The following TRIML1 variants were observed in gnomAD, a reference collection of about 807,000 sequenced individuals.
The protein encoded by TRIML1 is tripartite motif family like 1.
Under a neutral mutation model 32.3 loss-of-function variants are expected in TRIML1, and 34 were observed. That is an observed-to-expected ratio of 1.05 (90% confidence interval 0.80 to 1.40). TRIML1 has a LOEUF of 1.40. Ranked by LOEUF, TRIML1 falls within the 40% of genes most tolerant of loss-of-function variation. The pLI is 0.00. For synonymous variants in TRIML1, 244 were observed against 226.6 expected (o/e 1.08, Z -0.69); for missense variants, 595 against 574.9 (o/e 1.03, Z -0.36).
At chr4:188,140,159 T>C (rs1382805971) in intron 1 of TRIML1, among the ~76,000 whole-genome samples, 193 bp downstream of exon 1, 1 of 151,714 alleles carries the variant, frequency 6.6e-6, no homozygotes, top group East Asian at 1.9e-4. Context: ...TTTTGCTCTG[T>C]TGCCCAGGCT....
chr4:188,143,862 T>G lies in TRIML1; in HGVS notation c.758+2T>G, dbSNP rs748997565. The G allele has an allele frequency of 6.2e-7, 1 of 1,614,192 alleles. No individual in the cohort carries two copies. Among genetic ancestry groups the G allele is most frequent in the South Asian group, 1.1e-5 (1 of 91,084 alleles). ...GGAAGTGAGAGGAGCCCTGGAAAGG[T>G]AGGCTTTCATTCTGTGTTCAGTTAT... On this transcript the variant is annotated splice_donor_variant, in intron 4 of 5. Coordinates refer to ENST00000332517, the MANE Select transcript of TRIML1 (RefSeq NM_178556.5). LOFTEE classifies it high-confidence loss of function.
chr4:188,139,746 C>A lies in TRIML1; in HGVS notation c.188C>A (p.Pro63Gln), dbSNP rs753100096. 5 of 1,613,934 alleles carry A rather than the reference C, an allele frequency of 3.1e-6. No homozygotes were observed. Among genetic ancestry groups the A allele is most frequent in the Non-Finnish European group, 4.2e-6 (5 of 1,179,986 alleles). Residue 63 changes from proline (P) to glutamine (Q), a missense_variant, in exon 1 of 6, where the codon CCG becomes CAG. Transcript: ENST00000332517. ...GAGTGCTGGAGGACCTTGGAGGGCCCGCATTTCCAGTCAAACGAGCGTCTG... is the reference window on the plus strand; with the variant it reads ...GAGTGCTGGAGGACCTTGGAGGGCCAGCATTTCCAGTCAAACGAGCGTCTG... ...CPECWRTLEG[P>Q]HFQSNERLGR...
At chr4:188,145,907 C>T (rs1735061279) in intron 5 of TRIML1, among the ~76,000 whole-genome samples, 2 of 152,246 alleles carry the variant, frequency 1.3e-5, no homozygotes, top group South Asian at 2.1e-4. Flanking sequence ...GGGTGCTGCA[C>T]TGAACTCACA....
intron 1 of TRIML1, 35 bp downstream of exon 1, chr4:188,140,001 A>C: frequency 6.5e-7 from 1 of 1,549,184 alleles, no homozygotes; most frequent in Non-Finnish European, 8.7e-7. Flanking sequence ...CCCACGACTC[A>C]TCGCAGCTAA....
chr4:188,143,973 C>A (rs1734959295), intron 4 of TRIML1, 63 bp from the exon 5 acceptor site: 1 of 1,604,412 alleles, frequency 6.2e-7, no homozygotes, highest in Non-Finnish European at 8.5e-7. Flanking sequence ...ATGAGGTGGA[C>A]TCTCCAGCTG....
At position 188,146,220 on chromosome 4, in the gene TRIML1, C is replaced by T. The variant is rs145688003; in HGVS notation, c.857-602C>T. 3.4e-3 allele frequency among the ~76,000 whole-genome samples: 521 copies of T among 152,266 alleles called. 5 individuals carry two copies. The highest frequency in any genetic ancestry group is 0.012 in the African/African-American group (493 of 41,558). On this transcript the variant is annotated intron_variant, in intron 5 of 5. Coordinates refer to ENST00000332517, the MANE Select transcript of TRIML1 (RefSeq NM_178556.5). ...ACAACCAAGGGTGTCCCTATGTGGA[C>T]GCACAGCTCGGAGCTCTAAAGATGT...
In TRIML1 at chr4:188,147,051, G is replaced by T; in HGVS notation, c.1086G>T (p.Val362=). 6.2e-7 allele frequency: 1 copy of T among 1,612,956 alleles called. No individual in the cohort carries two copies. The highest frequency in any genetic ancestry group is 1.1e-5 in the South Asian group (1 of 90,938). ...EWEVGICKDS[V]SRKGNLPKPP... is the part of the protein sequence containing the mutation. The stretch of plus-strand genomic sequence containing the variant: ...AAGTGGGCATCTGCAAGGACTCTGT[G>T]AGCAGAAAGGGGAATCTCCCCAAGC... Residue 362 remains valine (V), a synonymous_variant, in exon 6 of 6, where the codon GTG becomes GTT. Coordinates refer to ENST00000332517, the MANE Select transcript of TRIML1 (RefSeq NM_178556.5).
chr4:188,141,036 C>T (rs192137390), intron 2 of TRIML1, among the ~76,000 whole-genome samples: 2 of 152,114 alleles, frequency 1.3e-5, no homozygotes, highest in Admixed American at 1.3e-4. Flanking sequence ...TAAATGATAC[C>T]TGACAAGTCC....
chr4:188,141,198 C>T (rs79792387), intron 2 of TRIML1, among the ~76,000 whole-genome samples: 3 of 127,130 alleles, frequency 2.4e-5, no homozygotes, highest in South Asian at 2.7e-4. Flanking sequence ...GATGGAGTCT[C>T]TCTCTGTCGC....
rs1335701310 is a variant in TRIML1 at position 188,139,679 on chromosome 4, C to T, written c.121C>T (p.Leu41Phe). 6.2e-7 allele frequency: 1 copy of T among 1,613,988 alleles called. No homozygotes were observed. Among genetic ancestry groups the T allele is most frequent in the Non-Finnish European group, 8.5e-7 (1 of 1,180,036 alleles). ...CGHSFCLVCL[L>F]RSWEEHNTPL... ...GCACAGCTTTTGTCTGGTGTGTCTC[C>T]TCAGGAGCTGGGAGGAACATAACAC... Residue 41 changes from leucine (L) to phenylalanine (F), a missense_variant, in exon 1 of 6, where the codon CTC (leucine) becomes TTC (phenylalanine). By Grantham distance (22) the Leu-to-Phe change is conservative. Coordinates refer to ENST00000332517, the MANE Select transcript of TRIML1 (RefSeq NM_178556.5).
chr4:188,150,121 A>T (rs930153041), downstream of TRIML1, among the ~76,000 whole-genome samples: 5 of 149,748 alleles, frequency 3.3e-5, no homozygotes, highest in Admixed American at 6.7e-5. Flanking sequence ...ATTTATTTTT[A>T]AAAATTATTA....
At chr4:188,142,155 T>C (rs999367159) in intron 2 of TRIML1, 97 bp from the exon 3 acceptor site, 2 of 841,082 alleles carry the variant, frequency 2.4e-6, no homozygotes, top group Admixed American at 2.9e-5. Context: ...CTCTAGGACT[T>C]GTAAGGATTA....
chr4:188,144,072 C>T lies in TRIML1; in HGVS notation c.795C>T (p.Thr265=). 6.2e-7 allele frequency: 1 copy of T among 1,614,072 alleles called. No individual in the cohort carries two copies. The highest frequency in any genetic ancestry group is 1.7e-5 in the Admixed American group (1 of 59,998). The part of the protein sequence containing the change: ...EPLLLQCPEA[T]TTELSLCRIT... ...TCTTGCTTCAGTGTCCAGAGGCCAC[C>T]ACCACAGAGCTGAGTCTGTGCCGCA... Residue 265 remains threonine, a synonymous_variant, in exon 5 of 6, where the codon ACC becomes ACT. Coordinates refer to ENST00000332517, the MANE Select transcript of TRIML1 (RefSeq NM_178556.5).
chr4:188,147,453 TTAA>T lies in TRIML1; in HGVS notation c.*83_*85del, dbSNP rs112591564. 5,600 of 1,267,898 alleles carry T rather than the reference TTAA, an allele frequency of 4.4e-3. 173 individuals carry two copies. In the African/African-American group the frequency reaches 0.072, roughly 16 times the overall value. 78.5% of individuals were successfully genotyped at this position (1,267,898 alleles called of 1,614,324 possible). ...TAAGACGATGAAGGCATCGACAGTA[TTAA>T]TGTCAGGTGATCTGAAATAAACTCC... On this transcript the variant is annotated 3_prime_UTR_variant, in exon 6 of 6. Coordinates refer to ENST00000332517, the MANE Select transcript of TRIML1 (RefSeq NM_178556.5).
downstream of TRIML1, among the ~76,000 whole-genome samples, chr4:188,149,860 T>C (rs2111243606): frequency 6.6e-6 from 1 of 152,288 alleles, no homozygotes; most frequent in East Asian, 1.9e-4. Context: ...TGGAATGCAG[T>C]GGCGCCATCT....
chr4:188,144,809 T>C (rs1292777114), intron 5 of TRIML1, among the ~76,000 whole-genome samples: 3 of 152,130 alleles, frequency 2.0e-5, no homozygotes, highest in Non-Finnish European at 4.4e-5. Context: ...AAAATCCCAG[T>C]GAGGGTGCAT....
At chr4:188,143,771 C>T (rs1293438754) in intron 3 of TRIML1, 67 bp from the exon 4 acceptor site, 3 of 1,589,372 alleles carry the variant, frequency 1.9e-6, no homozygotes, top group African/African-American at 2.7e-5. Flanking sequence ...GGACTGTATG[C>T]AAAATGAATT....
chr4:188,138,268 C>T (rs1317038968), upstream of TRIML1, among the ~76,000 whole-genome samples: 1 of 152,218 alleles, frequency 6.6e-6, no homozygotes, highest in East Asian at 1.9e-4. Flanking sequence ...AAACATCCAA[C>T]ATCCTGTTGG....
rs764774725 is a variant in TRIML1 at position 188,139,519 on chromosome 4, A to G, written c.-40A>G. On this transcript the variant is annotated 5_prime_UTR_variant, in exon 1 of 6. Coordinates refer to ENST00000332517, the MANE Select transcript of TRIML1 (RefSeq NM_178556.5). ...GCAGTGAGGGCTTTGCTAATCCCAG[A>G]ACAGAGGTGTAACCTGGCTGCATAT... 16 of 1,535,306 alleles carry G rather than the reference A, an allele frequency of 1.0e-5. No individual in the cohort carries two copies. In the African/African-American group the frequency reaches 2.2e-4, roughly 21 times the overall value.
Sources: allele counts gnomAD v4.1 joint callset (sites outside exome capture counted in the v4.1 genomes callset), GRCh38; gene constraint gnomAD v4.1.1; transcripts MANE v1.5; gene names NCBI Gene and HGNC (gene_info 2026-07-23, HGNC 2026-07-21).